PIK3CA: variants seen among roughly 807,000 people sequenced by gnomAD.
The protein encoded by PIK3CA is phosphatidylinositol 4,5-bisphosphate 3-kinase catalytic subunit alpha isoform.
In PIK3CA, 27 loss-of-function variants were observed where a neutral mutation model predicts 138.2. That is an observed-to-expected ratio of 0.20 (90% CI 0.14 to 0.27). PIK3CA has a LOEUF of 0.27. Ranked by LOEUF, PIK3CA falls within the 10% of genes least tolerant of loss-of-function variation. The probability of loss-of-function intolerance (pLI) is 1.00; values close to 1 mark genes in which losing one functional copy is unlikely to be tolerated. For missense variants in PIK3CA, 544 were observed against 1,277.4 expected (o/e 0.43, Z 8.75); for synonymous variants, 358 against 413.2 (o/e 0.87, Z 1.62).
intron 20 of PIK3CA, among the ~76,000 whole-genome samples, chr3:179,232,218 A>G (rs561650876): frequency 6.6e-6 from 1 of 152,130 alleles, no homozygotes; most frequent in Non-Finnish European, 1.5e-5. Flanking sequence ...TTCCTAAGTT[A>G]TCTTCTAGAA....
Position 179,203,667 on chromosome 3 carries a change from A to T in PIK3CA, c.937A>T (p.Thr313Ser), listed in dbSNP as rs1386556878. ...TMPSYSRRIS[T>S]ATPYMNGETS... The stretch of plus-strand genomic sequence containing the variant: ...GCCATCTTATTCCAGACGCATTTCC[A>T]CAGCTACACCATATATGAATGGAGA... The change falls in exon 5 of 21, where the codon ACA becomes TCA. Residue 313 changes from threonine (T) to serine (S), a missense_variant. By Grantham distance (58) the Thr-to-Ser change is moderately conservative. Coordinates refer to ENST00000263967, the MANE Select transcript of PIK3CA (RefSeq NM_006218.4). 6.2e-7 allele frequency: 1 copy of T among 1,614,006 alleles called. No homozygotes were observed. The highest frequency in any genetic ancestry group is 8.5e-7 in the Non-Finnish European group (1 of 1,179,972).
At chr3:179,170,395 G>A (rs1475359151) in intron 1 of PIK3CA, among the ~76,000 whole-genome samples, 3 of 152,166 alleles carry the variant, frequency 2.0e-5, no homozygotes, top group Non-Finnish European at 4.4e-5. Context: ...AATTCTAGTG[G>A]GGGACATTGG....
At chr3:179,157,414 A>G (rs1723165479) in intron 1 of PIK3CA, among the ~76,000 whole-genome samples, 1 of 152,146 alleles carries the variant, frequency 6.6e-6, no homozygotes, top group South Asian at 2.1e-4. Context: ...AGTTTAAAAT[A>G]TTAGTAATTT....
intron 6 of PIK3CA, among the ~76,000 whole-genome samples, chr3:179,208,064 A>AAAT (rs530028936): frequency 6.6e-6 from 1 of 152,110 alleles, no homozygotes; most frequent in African/African-American, 2.4e-5. Context: ...TATCTCTAAA[A>AAAT]AATAATAATA....
chr3:179,226,082 T>C, intron 17 of PIK3CA, 42 bp downstream of exon 17: 2 of 1,044,152 alleles, frequency 1.9e-6, no homozygotes, highest in Non-Finnish European at 1.5e-6. Context: ...AAAGTTATCC[T>C]GAAAAAGTGA....
At position 179,230,384 on chromosome 3, in the gene PIK3CA, C is replaced by A. The variant is rs372832719; in HGVS notation, c.2936+8C>A. On this transcript the variant is annotated splice_region_variant and intron_variant, in intron 20 of 20. Coordinates refer to ENST00000263967, the MANE Select transcript of PIK3CA (RefSeq NM_006218.4). The surrounding 1 kb of genome is among the most constrained non-coding windows in gnomAD (Gnocchi z 5.4). ...GACAAGAGAATTTGAGAGGTGAGCT[C>A]GAGCAATTAAAAACACAAAATAAAG... is the stretch of plus-strand genomic sequence containing the variant. The A allele has an allele frequency of 6.3e-7, 1 of 1,576,622 alleles. No individual in the cohort carries two copies. Among genetic ancestry groups the A allele is most frequent in the South Asian group, 1.2e-5 (1 of 84,892 alleles).
Position 179,233,833 on chromosome 3 carries a change from T to G in PIK3CA, c.2937-261T>G, listed in dbSNP as rs72561478. 3.3e-3 allele frequency among the ~76,000 whole-genome samples: 496 copies of G among 152,306 alleles called. 1 individual carries two copies. Among genetic ancestry groups the G allele is most frequent in the African/African-American group, 0.011 (467 of 41,576 alleles). On this transcript the variant is annotated intron_variant, in intron 20 of 20. Coordinates refer to ENST00000263967, the MANE Select transcript of PIK3CA (RefSeq NM_006218.4). ...ATGAACCAATTCATACATTTAATAC[T>G]TATTAAACTCCTGACATGCCAGGCA...
chr3:179,229,865 T>A, intron 18 of PIK3CA, 139 bp from the exon 19 acceptor site: 1 of 583,850 alleles, frequency 1.7e-6, no homozygotes, highest in South Asian at 3.1e-5. Context: ...AATCTCAAAA[T>A]CTTTGGACAT....
In PIK3CA at chr3:179,205,504, G is replaced by GT. The variant is rs537352963; in HGVS notation, c.1145+918dup. Among the ~76,000 whole-genome samples the GT allele has an allele frequency of 3.3e-5, 5 of 152,318 alleles. No homozygotes were observed. The South Asian group carries it at 8.3e-4, about 25-fold the overall frequency. On this transcript the variant is annotated intron_variant, in intron 6 of 20. Coordinates refer to ENST00000263967, the MANE Select transcript of PIK3CA (RefSeq NM_006218.4). ...TCATTCACATGAAGGAGAAGTAAGA[G>GT]TTGGCAAGCAACTCCATAACCAAAC...
chr3:179,202,186 T>G (rs1487530377), intron 4 of PIK3CA, among the ~76,000 whole-genome samples: 1 of 152,132 alleles, frequency 6.6e-6, no homozygotes, highest in East Asian at 1.9e-4. Flanking sequence ...CACCTCAGCC[T>G]CCTAAGTGGC....
At chr3:179,149,269 T>A (rs1722945181) in intron 1 of PIK3CA, among the ~76,000 whole-genome samples, 2 of 152,164 alleles carry the variant, frequency 1.3e-5, no homozygotes, top group African/African-American at 4.8e-5. Flanking sequence ...GACTTGTCTC[T>A]TTACTAAGTG....
rs115685909 is a variant in PIK3CA, at chr3:179,221,308, A to G, written c.2187+151A>G. Reference sequence around the variant, plus strand: ...CACTGCCTCTCAGCTGTGTAGTGTTAGACACGTCATGCAGGCTCTCAGGAC... The same window carrying G: ...CACTGCCTCTCAGCTGTGTAGTGTTGGACACGTCATGCAGGCTCTCAGGAC... On this transcript the variant is annotated intron_variant, in intron 14 of 20. Coordinates refer to ENST00000263967, the MANE Select transcript of PIK3CA (RefSeq NM_006218.4). 32 of 566,888 alleles carry G rather than the reference A, an allele frequency of 5.6e-5. No individual in the cohort carries two copies. The African/African-American group carries it at 5.6e-4, about 10-fold the overall frequency. 35.1% of individuals were successfully genotyped at this position (566,888 alleles called of 1,614,324 possible). A position where few individuals can be genotyped will look rare whatever the true frequency, so the allele number is the denominator to read the frequency against.
chr3:179,225,106 G>T lies in PIK3CA; in HGVS notation c.2416+285G>T, dbSNP rs73882971. 4.3e-3 allele frequency among the ~76,000 whole-genome samples: 649 copies of T among 151,630 alleles called. 1 individual carries two copies. Among genetic ancestry groups the T allele is most frequent in the African/African-American group, 0.015 (609 of 41,354 alleles). ...CCCTCCCGTGGACCTGTGTAGAGAAGTATTTTTTGTTGTTGTTTTGGTTTT... is the reference window on the plus strand; with the variant it reads ...CCCTCCCGTGGACCTGTGTAGAGAATTATTTTTTGTTGTTGTTTTGGTTTT... On this transcript the variant is annotated intron_variant, in intron 16 of 20. Coordinates refer to ENST00000263967, the MANE Select transcript of PIK3CA (RefSeq NM_006218.4).
intron 14 of PIK3CA, among the ~76,000 whole-genome samples, chr3:179,223,395 T>A (rs545875042): frequency 6.6e-6 from 1 of 152,330 alleles, no homozygotes; most frequent in South Asian, 2.1e-4. Flanking sequence ...TGATTTGAAT[T>A]GATTAAAAAG....
intron 6 of PIK3CA, among the ~76,000 whole-genome samples, chr3:179,207,549 CT>C (rs199712520): frequency 1.6e-3 from 230 of 141,346 alleles, no homozygotes; most frequent in Middle Eastern, 3.6e-3. Context: ...TTTTTCTTTT[CT>C]TTTTTTTTTT....
intron 6 of PIK3CA, among the ~76,000 whole-genome samples, chr3:179,209,051 A>C (rs1247989106): frequency 1.3e-5 from 2 of 148,278 alleles, no homozygotes; most frequent in East Asian, 3.9e-4. Flanking sequence ...TATATTATAA[A>C]TATAAATAAG....
chr3:179,188,590 C>T (rs747584289), intron 1 of PIK3CA, among the ~76,000 whole-genome samples: 8 of 152,120 alleles, frequency 5.3e-5, no homozygotes, highest in Non-Finnish European at 1.0e-4. Flanking sequence ...GTCACTGGAA[C>T]TGAGAGTGAT....
intron 1 of PIK3CA, among the ~76,000 whole-genome samples, chr3:179,197,156 A>G (rs1724287691): frequency 6.6e-6 from 1 of 151,872 alleles, no homozygotes; most frequent in Non-Finnish European, 1.5e-5. Context: ...CTCCTGCTTC[A>G]GCCTCCTGAG....
Position 179,230,175 on chromosome 3 carries a change from T to TTTTGTATCTGCATATATCAAACTA in PIK3CA, c.2785-48_2785-25dup. ...TGGTGTTCTTAATTTATTCAAGACA[T>TTTTGTATCTGCATATATCAAACTA]TTTGTATCTGCATATATCAAACTAT... On this transcript the variant is annotated intron_variant, in intron 19 of 20. Transcript: ENST00000263967. The surrounding 1 kb of genome is among the most constrained non-coding windows in gnomAD (Gnocchi z 5.4). 6.4e-7 allele frequency: 1 copy of TTTTGTATCTGCATATATCAAACTA among 1,565,484 alleles called. No individual in the cohort carries two copies. Among genetic ancestry groups the TTTTGTATCTGCATATATCAAACTA allele is most frequent in the Non-Finnish European group, 8.8e-7 (1 of 1,136,956 alleles).
Sources: gnomAD v4.1 joint callset for allele counts (sites outside exome capture counted in the v4.1 genomes callset) on GRCh38, gnomAD v4.1.1 for gene constraint, Gnocchi (gnomAD v3.1) non-coding constraint, MANE v1.5 for transcripts, NCBI Gene and HGNC (gene_info 2026-07-23, HGNC 2026-07-21) for gene names.